The following PCDHGA2 variants were observed in gnomAD, a reference collection of about 807,000 sequenced individuals.
The protein encoded by PCDHGA2 is protocadherin gamma-A2.
A neutral mutation model predicts 59.2 loss-of-function variants in PCDHGA2; 40 were observed. The ratio of observed to expected loss-of-function variants is 0.68; its 90% CI spans 0.52 to 0.88. The LOEUF (loss-of-function observed/expected upper bound fraction) is 0.88. Ranked by LOEUF, PCDHGA2 falls within the 40% of genes least tolerant of loss-of-function variation. PCDHGA2 has a pLI of 0.00. For missense variants in PCDHGA2, 1,226 were observed against 1,204.0 expected, an observed-to-expected ratio of 1.02 and a Z score of -0.27; for synonymous variants, 560 against 526.0, an observed-to-expected ratio of 1.06 and a Z score of -0.89.
rs1342087495 is a variant in PCDHGA2 at position 141,365,076 on chromosome 5, T to C, written c.2424+23681T>C. 1.9e-6 allele frequency: 3 copies of C among 1,613,740 alleles called. No individual in the cohort carries two copies. In the African/African-American group the frequency reaches 4.0e-5, roughly 22 times the overall value. On this transcript the variant is annotated intron_variant, in intron 1 of 3. Transcript: ENST00000394576. ...CTGTTCACCCCATCCGAGTACAGCG[T>C]GAGTGTTCCAGAGAACATACCTGTG...
chr5:141,356,423 G>A lies in PCDHGA2; in HGVS notation c.2424+15028G>A, dbSNP rs760964193. ...AATTATTATCGGTTGTTGACACACA[G>A]AACACTGGACAGGGAAGAAGTCTCA... On this transcript the variant is annotated intron_variant, in intron 1 of 3. Coordinates refer to ENST00000394576, the MANE Select transcript of PCDHGA2 (RefSeq NM_018915.4). 1.0e-5 allele frequency: 16 copies of A among 1,606,564 alleles called. No homozygotes were observed. Among genetic ancestry groups the A allele is most frequent in the Non-Finnish European group, 1.4e-5 (16 of 1,175,920 alleles).
At position 141,490,487 on chromosome 5, in the gene PCDHGA2, C is replaced by T. The variant is rs1398601464; in HGVS notation, c.2425-4320C>T. Reference sequence around the variant, plus strand: ...ACCAGCCAGCCTTTGGACCGGGAGGCCACATCCCACTATATCATCGAGCTG... The same window carrying T: ...ACCAGCCAGCCTTTGGACCGGGAGGTCACATCCCACTATATCATCGAGCTG... On this transcript the variant is annotated intron_variant, in intron 1 of 3. Coordinates refer to ENST00000394576, the MANE Select transcript of PCDHGA2 (RefSeq NM_018915.4). This position sits in a 1 kb window ranked among gnomAD's most constrained non-coding sequence, Gnocchi z 5.4. 4 of 1,614,000 alleles carry T rather than the reference C, an allele frequency of 2.5e-6. No homozygotes were observed. The highest frequency in any genetic ancestry group is 1.7e-5 in the Admixed American group (1 of 59,996).
Position 141,383,260 on chromosome 5 carries a change from G to C in PCDHGA2, c.2424+41865G>C, listed in dbSNP as rs375487349. On this transcript the variant is annotated intron_variant, in intron 1 of 3. Coordinates refer to ENST00000394576, the MANE Select transcript of PCDHGA2 (RefSeq NM_018915.4). ...TAAAATGAATCTTTACCCTATAGAC[G>C]TGGAAATAATAGATATTAATGACAA... 3.7e-6 allele frequency: 6 copies of C among 1,613,782 alleles called. No homozygotes were observed. The African/African-American group carries it at 6.7e-5, about 18-fold the overall frequency.
chr5:141,394,537 T>C, intron 1 of PCDHGA2: 1 of 1,614,146 alleles, frequency 6.2e-7, no homozygotes, highest in Non-Finnish European at 8.5e-7. Flanking sequence ...TCCACTGGCG[T>C]GGAGCTGGCG....
intron 1 of PCDHGA2, among the ~76,000 whole-genome samples, chr5:141,381,060 A>G (rs1776965046): frequency 6.6e-6 from 1 of 152,246 alleles, no homozygotes; most frequent in South Asian, 2.1e-4. Flanking sequence ...GTGAATGCAA[A>G]GATAACTATG....
At chr5:141,362,212 G>C in intron 1 of PCDHGA2, 1 of 1,614,048 alleles carries the variant, frequency 6.2e-7, no homozygotes, top group Non-Finnish European at 8.5e-7. Flanking sequence ...GTTTTACCTG[G>C]TTGTGGCCTT....
In PCDHGA2 at chr5:141,433,322, T is replaced by A. The variant is rs907709272; in HGVS notation, c.2425-61485T>A. On this transcript the variant is annotated intron_variant, in intron 1 of 3. Transcript: ENST00000394576. ...AATTATCCCACCTTTGCCTCCGGTGTAACAGGGACTACAGGTGCAAGCCAC... is the reference window on the plus strand; with the variant it reads ...AATTATCCCACCTTTGCCTCCGGTGAAACAGGGACTACAGGTGCAAGCCAC... The A allele has an allele frequency of 5.3e-6, 4 of 760,298 alleles. No homozygotes were observed. In the African/African-American group the frequency reaches 7.1e-5, roughly 13 times the overall value. The allele number at this position is 760,298 out of a possible 1,614,324, so 47.1% of individuals were successfully genotyped here.
chr5:141,351,572 A>T (rs561261966), intron 1 of PCDHGA2: 1 of 1,614,024 alleles, frequency 6.2e-7, no homozygotes, highest in Non-Finnish European at 8.5e-7. Flanking sequence ...CACCCTGCAC[A>T]TCTCCGACAT....
rs946434728 is a variant in PCDHGA2, at chr5:141,428,357, C to A, written c.2425-66450C>A. On this transcript the variant is annotated intron_variant, in intron 1 of 3. Coordinates refer to ENST00000394576, the MANE Select transcript of PCDHGA2 (RefSeq NM_018915.4). ...CTCTTCTTCCTCGCAGTGATTTTGG[C>A]GGTCGCCTTGCACCTGCGATGCTCT... is the stretch of plus-strand genomic sequence containing the variant. The A allele has an allele frequency of 1.2e-5, 7 of 565,506 alleles. No individual in the cohort carries two copies. The East Asian group carries it at 2.0e-4, about 16-fold the overall frequency. The allele number at this position is 565,506 out of a possible 1,614,324, so 35.0% of individuals were successfully genotyped here.
chr5:141,384,708 G>A (rs1222018997), intron 1 of PCDHGA2: 3 of 1,613,998 alleles, frequency 1.9e-6, no homozygotes, highest in Non-Finnish European at 2.5e-6. Flanking sequence ...AGAACGCCTG[G>A]CTGTCATACC....
intron 1 of PCDHGA2, chr5:141,392,978 C>T: frequency 1.9e-6 from 3 of 1,613,808 alleles, no homozygotes; most frequent in South Asian, 1.1e-5. Context: ...TGGGGCTGGA[C>T]CCCCGGAAGC....
intron 1 of PCDHGA2, chr5:141,372,404 G>A (rs761162819): frequency 2.6e-5 from 42 of 1,613,928 alleles, no homozygotes; most frequent in Non-Finnish European, 2.8e-5. Context: ...GCTTGCAAGA[G>A]ATACAACCTG....
Position 141,491,900 on chromosome 5 carries a change from G to C in PCDHGA2, c.2425-2907G>C. ...TAAGGGATGGGGCTCCGAGCACCGG[G>C]GGTGGTGGCGACTGTGGGCGAGGGG... On this transcript the variant is annotated intron_variant, in intron 1 of 3. Transcript: ENST00000394576. This position sits in a 1 kb window ranked among gnomAD's most constrained non-coding sequence, Gnocchi z 6.9. 1 of 1,429,936 alleles carries C rather than the reference G, an allele frequency of 7.0e-7. No homozygotes were observed. Among genetic ancestry groups the C allele is most frequent in the South Asian group, 1.5e-5 (1 of 67,072 alleles). 88.6% of individuals were successfully genotyped at this position (1,429,936 alleles called of 1,614,324 possible). A position where few individuals can be genotyped will look rare whatever the true frequency, so the allele number is the denominator to read the frequency against.
intron 1 of PCDHGA2, among the ~76,000 whole-genome samples, chr5:141,475,237 G>C (rs2099360785): frequency 6.6e-6 from 1 of 152,234 alleles, no homozygotes. Flanking sequence ...AAACGATAGA[G>C]AGAGTGTGCT....
chr5:141,402,829 T>G (rs921784924), intron 1 of PCDHGA2: 4 of 1,341,920 alleles, frequency 3.0e-6, no homozygotes, highest in Admixed American at 5.9e-5. Context: ...GCTCCCAGGC[T>G]GCAGCAAAAC....
In PCDHGA2 at chr5:141,486,369, C is replaced by T; in HGVS notation, c.2425-8438C>T. 8 of 1,614,128 alleles carry T rather than the reference C, an allele frequency of 5.0e-6. No homozygotes were observed. The highest frequency in any genetic ancestry group is 6.8e-6 in the Non-Finnish European group (8 of 1,179,996). On this transcript the variant is annotated intron_variant, in intron 1 of 3. Coordinates refer to ENST00000394576, the MANE Select transcript of PCDHGA2 (RefSeq NM_018915.4). The surrounding 1 kb of genome is among the most constrained non-coding windows in gnomAD (Gnocchi z 5.0). ...GACCACTTGCCATTTGCCCTCAAGT[C>T]TGCCTTCAGGAACCAGTTCTCCCTG...
intron 1 of PCDHGA2, chr5:141,404,696 G>T: frequency 6.2e-7 from 1 of 1,614,104 alleles, no homozygotes; most frequent in South Asian, 1.1e-5. Flanking sequence ...ACCCCGCTCT[G>T]CAGAGCCTGG....
chr5:141,508,043 T>A (rs2099865910), intron 3 of PCDHGA2: 1 of 152,252 alleles, frequency 6.6e-6, no homozygotes, highest in Non-Finnish European at 1.5e-5. Context: ...CAGCCAGCTG[T>A]GTTCCAGCTA....
intron 1 of PCDHGA2, chr5:141,422,609 A>G: frequency 6.2e-7 from 1 of 1,613,882 alleles, no homozygotes; most frequent in Non-Finnish European, 8.5e-7. Context: ...TACTCTGCCT[A>G]CATTCCCGAA....
Sources: gnomAD v4.1 joint callset for allele counts (sites outside exome capture counted in the v4.1 genomes callset) on GRCh38, gnomAD v4.1.1 for gene constraint, Gnocchi (gnomAD v3.1) non-coding constraint, MANE v1.5 for transcripts, NCBI Gene and HGNC (gene_info 2026-07-23, HGNC 2026-07-21) for gene names.